Variants in DDX10 observed in about 807,000 individuals in gnomAD.
DDX10 encodes probable ATP-dependent RNA helicase DDX10.
DDX10 carries 74 observed loss-of-function variants against 104.3 expected under a neutral mutation model. That is an observed-to-expected ratio of 0.71 (90% CI 0.59 to 0.86). The LOEUF is 0.86. Ranked by LOEUF, DDX10 falls within the 40% of genes least tolerant of loss-of-function variation. DDX10 has a pLI of 0.00. For missense variants in DDX10, 952 were observed against 1,040.0 expected (o/e 0.92, Z 1.16); for synonymous variants, 351 against 353.4 (o/e 0.99, Z 0.08).
rs540035517 is a variant in DDX10, at chr11:108,711,530, G to A, written c.1323-4349G>A. Among the ~76,000 whole-genome samples, 21 of 152,048 alleles carry A rather than the reference G, an allele frequency of 1.4e-4. 1 individual carries two copies. Among genetic ancestry groups the A allele is most frequent in the Middle Eastern group, 3.4e-3 (1 of 294 alleles). ...GTATTTTTAGTAGACGTGGGGTTTC[G>A]CCATGTTGGCCAGGCTGGTTTTGAA... On this transcript the variant is annotated intron_variant, in intron 10 of 17. Transcript: ENST00000322536.
At chr11:108,777,079 G>A (rs2094370882) in intron 13 of DDX10, among the ~76,000 whole-genome samples, 3 of 152,238 alleles carry the variant, frequency 2.0e-5, no homozygotes, top group Non-Finnish European at 2.9e-5. Flanking sequence ...TTGTTATGCA[G>A]CAACAGAAAA....
At chr11:108,789,983 A>G (rs1861848701) in intron 13 of DDX10, among the ~76,000 whole-genome samples, 1 of 152,174 alleles carries the variant, frequency 6.6e-6, no homozygotes, top group Non-Finnish European at 1.5e-5. Flanking sequence ...ACCAGGCATT[A>G]GTCTTTTAAA....
chr11:108,932,832 G>C (rs1183838370), intron 17 of DDX10, among the ~76,000 whole-genome samples: 5 of 151,976 alleles, frequency 3.3e-5, no homozygotes, highest in Admixed American at 3.3e-4. Flanking sequence ...TTTTTGGCAA[G>C]TGCTGTATTC....
chr11:108,827,047 A>G (rs1862405193), intron 13 of DDX10, among the ~76,000 whole-genome samples: 1 of 152,254 alleles, frequency 6.6e-6, no homozygotes, highest in Non-Finnish European at 1.5e-5. Context: ...AATACTTTGA[A>G]GTTATGTAAC....
intron 14 of DDX10, among the ~76,000 whole-genome samples, chr11:108,840,093 TG>T (rs1862616660): frequency 6.6e-6 from 1 of 152,224 alleles, no homozygotes; most frequent in Non-Finnish European, 1.5e-5. Flanking sequence ...ATAAACTTTT[TG>T]CCCTCTGATT....
intron 13 of DDX10, among the ~76,000 whole-genome samples, chr11:108,797,442 C>T (rs1319854379): frequency 6.6e-6 from 1 of 152,202 alleles, no homozygotes; most frequent in Non-Finnish European, 1.5e-5. Context: ...CTTACTGCAA[C>T]TCTTCCTCCC....
intron 9 of DDX10, among the ~76,000 whole-genome samples, chr11:108,704,903 G>T (rs972544094): frequency 1.3e-5 from 2 of 152,102 alleles, no homozygotes. Context: ...TGGAAAACTC[G>T]ACTACCCCAT....
chr11:108,714,417 G>T (rs1156976079), intron 10 of DDX10, among the ~76,000 whole-genome samples: 1 of 152,098 alleles, frequency 6.6e-6, no homozygotes, highest in African/African-American at 2.4e-5. Context: ...ATGGATAAAA[G>T]AAGAGTTTTA....
chr11:108,914,070 A>G (rs1487763469), intron 16 of DDX10, among the ~76,000 whole-genome samples: 1 of 152,234 alleles, frequency 6.6e-6, no homozygotes, highest in Non-Finnish European at 1.5e-5. Context: ...CATTAAAACA[A>G]ATCCAAATAG....
intron 17 of DDX10, among the ~76,000 whole-genome samples, chr11:108,930,220 C>A (rs1216047978): frequency 6.6e-6 from 1 of 152,116 alleles, no homozygotes; most frequent in African/African-American, 2.4e-5. Context: ...ACAGTTTTGC[C>A]TTTTCTGGAA....
Position 108,888,503 on chromosome 11 carries a change from C to G in DDX10, c.2305-29370C>G, listed in dbSNP as rs73558692. Among the ~76,000 whole-genome samples the G allele has an allele frequency of 6.8e-3, 1,034 of 152,230 alleles. 10 individuals are homozygous for G. Among genetic ancestry groups the G allele is most frequent in the African/African-American group, 0.023 (965 of 41,530 alleles). On this transcript the variant is annotated intron_variant, in intron 16 of 17. Transcript: ENST00000322536. ...TCATATGCCATTTGCTTCCTATAGTCAGATATAGTTGTTAATATTACTTGT... is the reference window on the plus strand; with the variant it reads ...TCATATGCCATTTGCTTCCTATAGTGAGATATAGTTGTTAATATTACTTGT...
chr11:108,893,911 A>G (rs1245192653), intron 16 of DDX10, among the ~76,000 whole-genome samples: 1 of 152,100 alleles, frequency 6.6e-6, no homozygotes, highest in Non-Finnish European at 1.5e-5. Context: ...GTATTCATCT[A>G]CCCAAAGTAA....
intron 4 of DDX10, 25 bp from the exon 5 acceptor site, chr11:108,678,290 A>G (rs376436577): frequency 1.2e-5 from 19 of 1,604,484 alleles, no homozygotes; most frequent in Non-Finnish European, 1.6e-5. Context: ...GTGTCTGTGT[A>G]ATCAAAATAA....
chr11:108,689,182 T>C (rs1275229272), intron 7 of DDX10, 120 bp downstream of exon 7: 12 of 1,006,624 alleles, frequency 1.2e-5, no homozygotes, highest in Admixed American at 4.3e-5. Flanking sequence ...GTGAGGGATC[T>C]TTCGTGTCCT....
Position 108,723,046 on chromosome 11 carries a change from C to T in DDX10, c.1549C>T (p.Gln517Ter). Reference protein sequence around the residue: ...APRVRFLQKMQKQPTKELVRS... With the variant: ...APRVRFLQKM Reference sequence around the variant, plus strand: ...ACGCGTAAGATTTCTTCAGAAAATGCAGAAACAACCCACCAAAGAATTGGT... The same window carrying T: ...ACGCGTAAGATTTCTTCAGAAAATGTAGAAACAACCCACCAAAGAATTGGT... The change falls in exon 13 of 18, where the codon CAG (glutamine) becomes TAG (stop). Residue 517 changes from glutamine to a stop codon, truncating the protein, a stop_gained. Coordinates refer to ENST00000322536, the MANE Select transcript of DDX10 (RefSeq NM_004398.4). LOFTEE classifies it high-confidence loss of function. 6.2e-7 allele frequency: 1 copy of T among 1,612,094 alleles called. No individual in the cohort carries two copies. Among genetic ancestry groups the T allele is most frequent in the Non-Finnish European group, 8.5e-7 (1 of 1,179,408 alleles).
At position 108,927,522 on chromosome 11, in the gene DDX10, T is replaced by C. The variant is rs191604721; in HGVS notation, c.2450+9504T>C. Among the ~76,000 whole-genome samples, 190 of 152,344 alleles carry C rather than the reference T, an allele frequency of 1.2e-3. 1 individual carries two copies. Among genetic ancestry groups the C allele is most frequent in the African/African-American group, 4.5e-3 (188 of 41,582 alleles). Reference sequence around the variant, plus strand: ...GAAGTTTAGTGCTCACTCCACTAGATTGTGTTTCTATAAGGCACTGCATCC... The same window carrying C: ...GAAGTTTAGTGCTCACTCCACTAGACTGTGTTTCTATAAGGCACTGCATCC... On this transcript the variant is annotated intron_variant, in intron 17 of 17. Transcript: ENST00000322536.
intron 15 of DDX10, among the ~76,000 whole-genome samples, chr11:108,844,528 G>GTT (rs1438572204): frequency 6.6e-6 from 1 of 152,204 alleles, no homozygotes; most frequent in Non-Finnish European, 1.5e-5. Context: ...AATAAGGAAT[G>GTT]TTTTCTTAAG....
chr11:108,780,015 T>G (rs1279277231), intron 13 of DDX10, among the ~76,000 whole-genome samples: 1 of 152,216 alleles, frequency 6.6e-6, no homozygotes, highest in Non-Finnish European at 1.5e-5. Flanking sequence ...TTTCTCCTTA[T>G]GGGAAAGGAT....
chr11:108,697,903 T>TAGAAGATGGGC (rs2094262136), intron 9 of DDX10, among the ~76,000 whole-genome samples: 1 of 152,206 alleles, frequency 6.6e-6, no homozygotes, highest in Non-Finnish European at 1.5e-5. Context: ...GGGTTGTGGG[T>TAGAAGATGGGC]AGAAGATGGG....
Sources: allele counts gnomAD v4.1 joint callset (sites outside exome capture counted in the v4.1 genomes callset), GRCh38; gene constraint gnomAD v4.1.1; transcripts MANE v1.5; gene names NCBI Gene and HGNC (gene_info 2026-07-23, HGNC 2026-07-21).